Variants in SLC24A3 observed in about 807,000 individuals in gnomAD.
The protein encoded by SLC24A3 is solute carrier family 24 member 3.
Under a neutral mutation model 75.8 loss-of-function variants are expected in SLC24A3, and 28 were observed. That is an observed-to-expected ratio of 0.37 (90% confidence interval 0.27 to 0.51). The LOEUF (loss-of-function observed/expected upper bound fraction) is 0.51. SLC24A3 is among the 20% of genes least tolerant of loss of function. SLC24A3 has a pLI of 0.94. For synonymous variants in SLC24A3, 372 were observed against 334.1 expected (o/e 1.11, Z -1.24); for missense variants, 663 against 847.8 (o/e 0.78, Z 2.71).
intron 2 of SLC24A3, among the ~76,000 whole-genome samples, chr20:19,449,597 C>CT (rs919418083): frequency 6.9e-4 from 105 of 152,368 alleles, no homozygotes; most frequent in African/African-American, 2.5e-3. Context: ...GGTCCTCCAT[C>CT]TTTTCCTCTC....
chr20:19,541,449 C>T (rs1237106317), intron 3 of SLC24A3, among the ~76,000 whole-genome samples: 8 of 152,198 alleles, frequency 5.3e-5, no homozygotes, highest in Admixed American at 1.3e-4. Context: ...TGTATTAGCA[C>T]GTGTGTGTCT....
At chr20:19,398,919 A>G (rs1292455849) in intron 2 of SLC24A3, among the ~76,000 whole-genome samples, 2 of 152,166 alleles carry the variant, frequency 1.3e-5, no homozygotes, top group African/African-American at 4.8e-5. Context: ...CAGTGAAGCC[A>G]TCTGGGCCTA....
chr20:19,709,868 C>G (rs373621138), intron 15 of SLC24A3, among the ~76,000 whole-genome samples: 16 of 151,412 alleles, frequency 1.1e-4, no homozygotes, highest in African/African-American at 3.7e-4. Flanking sequence ...ACAAAACCCA[C>G]TTTGCATATT....
intron 2 of SLC24A3, among the ~76,000 whole-genome samples, chr20:19,353,306 G>A (rs1164187493): frequency 2.0e-5 from 3 of 152,150 alleles, no homozygotes; most frequent in African/African-American, 7.2e-5. Flanking sequence ...CAAATCACCA[G>A]TTTGGAAGGT....
At chr20:19,656,823 C>T (rs999301304) in intron 7 of SLC24A3, among the ~76,000 whole-genome samples, 1 of 152,182 alleles carries the variant, frequency 6.6e-6, no homozygotes, top group Non-Finnish European at 1.5e-5. Context: ...CCCTGTTTTC[C>T]GCATAGACAC....
chr20:19,656,271 T>C (rs1177219741), intron 7 of SLC24A3, among the ~76,000 whole-genome samples: 1 of 152,134 alleles, frequency 6.6e-6, no homozygotes, highest in African/African-American at 2.4e-5. Context: ...TTCAATTTTG[T>C]CCTCCAGTGT....
chr20:19,457,597 T>C (rs1028982010), intron 2 of SLC24A3, among the ~76,000 whole-genome samples: 4 of 152,186 alleles, frequency 2.6e-5, no homozygotes, highest in African/African-American at 4.8e-5. Context: ...GGTACAGTAG[T>C]GGAAGCTTTC....
intron 15 of SLC24A3, among the ~76,000 whole-genome samples, chr20:19,705,204 C>G (rs562831916): frequency 2.6e-5 from 4 of 152,290 alleles, no homozygotes; most frequent in African/African-American, 9.6e-5. Context: ...GTTTTCTATC[C>G]TAAAAGTACC....
intron 3 of SLC24A3, among the ~76,000 whole-genome samples, chr20:19,528,956 C>A (rs537749192): frequency 4.3e-4 from 66 of 152,130 alleles, no homozygotes; most frequent in African/African-American, 1.5e-3. Context: ...GGGGTGAGAC[C>A]CATTACTCTC....
intron 2 of SLC24A3, among the ~76,000 whole-genome samples, chr20:19,430,733 T>C (rs1029097278): frequency 1.1e-4 from 16 of 152,038 alleles, no homozygotes; most frequent in African/African-American, 3.9e-4. Context: ...TACAGGCCCA[T>C]GCACAAGCAC....
intron 6 of SLC24A3, among the ~76,000 whole-genome samples, chr20:19,634,795 A>G (rs2031979593): frequency 6.6e-6 from 1 of 152,086 alleles, no homozygotes; most frequent in South Asian, 2.1e-4. Flanking sequence ...GTGTGGTAGA[A>G]ATGCTCTATG....
At chr20:19,679,440 C>G (rs1002456157) in intron 9 of SLC24A3, among the ~76,000 whole-genome samples, 28 of 151,834 alleles carry the variant, frequency 1.8e-4, no homozygotes, top group African/African-American at 6.5e-4. Flanking sequence ...TGCAGTGAGC[C>G]GAGATGGCAG....
intron 6 of SLC24A3, among the ~76,000 whole-genome samples, chr20:19,617,243 C>T (rs980953702): frequency 2.0e-5 from 3 of 152,226 alleles, no homozygotes; most frequent in Admixed American, 1.3e-4. Flanking sequence ...TAGACGAGGC[C>T]GTGGAGCCTG....
At chr20:19,354,128 T>A (rs2122329147) in intron 2 of SLC24A3, among the ~76,000 whole-genome samples, 1 of 152,280 alleles carries the variant, frequency 6.6e-6, no homozygotes, top group South Asian at 2.1e-4. Context: ...TTTCAAAGAA[T>A]GCACCCCTGA....
intron 15 of SLC24A3, among the ~76,000 whole-genome samples, chr20:19,707,502 G>A (rs577967427): frequency 1.8e-4 from 28 of 152,298 alleles, no homozygotes; most frequent in Non-Finnish European, 3.1e-4. Context: ...CTACGATTGA[G>A]GATTTTAGCA....
chr20:19,610,245 C>T (rs886900165), intron 6 of SLC24A3, among the ~76,000 whole-genome samples: 1 of 152,024 alleles, frequency 6.6e-6, no homozygotes, highest in Non-Finnish European at 1.5e-5. Flanking sequence ...CTGTTTTGTA[C>T]CAAATTGTTG....
chr20:19,487,140 T>G (rs1034498294), intron 2 of SLC24A3, among the ~76,000 whole-genome samples: 1 of 152,232 alleles, frequency 6.6e-6, no homozygotes, highest in Admixed American at 6.5e-5. Context: ...AGCTGTACCC[T>G]TATGACTCTT....
At chr20:19,641,609 A>G (rs2032076001) in intron 6 of SLC24A3, among the ~76,000 whole-genome samples, 1 of 151,838 alleles carries the variant, frequency 6.6e-6, no homozygotes, top group Admixed American at 6.6e-5. Flanking sequence ...CTCATTTTTT[A>G]TTGTCTCACA....
intron 1 of SLC24A3, among the ~76,000 whole-genome samples, chr20:19,239,657 G>T (rs758504718): frequency 1.8e-4 from 28 of 152,208 alleles, no homozygotes; most frequent in Admixed American, 1.8e-3. Context: ...CAGGGCCAGA[G>T]AGGTGTGTCA....
Sources: gnomAD v4.1 joint callset for allele counts (sites outside exome capture counted in the v4.1 genomes callset) on GRCh38, gnomAD v4.1.1 for gene constraint, MANE v1.5 for transcripts, NCBI Gene and HGNC (gene_info 2026-07-23, HGNC 2026-07-21) for gene names.